The following OLFM3 variants were observed in gnomAD, a reference collection of about 807,000 sequenced individuals.
The protein encoded by OLFM3 is olfactomedin 3, also known as noelin-3.
OLFM3 carries 20 observed loss-of-function variants against 48.6 expected under a neutral mutation model. The observed-to-expected ratio is 0.41, with a 90% CI of 0.29 to 0.60. OLFM3 has a LOEUF of 0.60. Among genes scored for constraint, OLFM3 ranks in the 20% least tolerant of loss-of-function variants. The pLI, the probability that OLFM3 is intolerant of heterozygous loss-of-function variation, is 0.28. For missense variants in OLFM3, 437 were observed against 544.3 expected (o/e 0.80, Z 1.96); for synonymous variants, 222 against 198.1 (o/e 1.12, Z -1.01).
At chr1:101,901,942 G>A (rs1007989879) in intron 1 of OLFM3, among the ~76,000 whole-genome samples, 6 of 152,016 alleles carry the variant, frequency 3.9e-5, no homozygotes, top group Non-Finnish European at 8.8e-5. Flanking sequence ...GTCATAATAA[G>A]AATTTCATAT....
At chr1:101,821,606 G>A (rs2100891004) in intron 4 of OLFM3, among the ~76,000 whole-genome samples, 1 of 152,092 alleles carries the variant, frequency 6.6e-6, no homozygotes, top group South Asian at 2.1e-4. Context: ...AACATGTTGG[G>A]ATAGTAAAAA....
chr1:101,879,755 T>A (rs1297612099), intron 1 of OLFM3, among the ~76,000 whole-genome samples: 1 of 151,862 alleles, frequency 6.6e-6, no homozygotes, highest in African/African-American at 2.4e-5. Context: ...TAAAGAAAAG[T>A]GATGCAAGGT....
At chr1:101,925,950 G>A (rs1394215712) in intron 1 of OLFM3, among the ~76,000 whole-genome samples, 1 of 151,974 alleles carries the variant, frequency 6.6e-6, no homozygotes, top group Non-Finnish European at 1.5e-5. Flanking sequence ...GTAAATATTT[G>A]GTGAATATAT....
chr1:101,921,984 G>A (rs952114203), intron 1 of OLFM3, among the ~76,000 whole-genome samples: 3 of 152,022 alleles, frequency 2.0e-5, no homozygotes, highest in Non-Finnish European at 2.9e-5. Flanking sequence ...GCTTGAACCC[G>A]GGAGATGGAG....
At chr1:101,845,523 A>G (rs943021427) in intron 1 of OLFM3, among the ~76,000 whole-genome samples, 6 of 152,176 alleles carry the variant, frequency 3.9e-5, no homozygotes, top group Non-Finnish European at 8.8e-5. Context: ...TTCAACAATG[A>G]TGTTGTTGAA....
intron 1 of OLFM3, among the ~76,000 whole-genome samples, chr1:101,976,650 G>A (rs1270883071): frequency 6.6e-6 from 1 of 152,050 alleles, no homozygotes; most frequent in African/African-American, 2.4e-5. Context: ...GTAAACTGAG[G>A]CTTGTAGAAG....
intron 3 of OLFM3, among the ~76,000 whole-genome samples, chr1:101,825,496 T>C (rs1462131317): frequency 1.3e-5 from 2 of 152,216 alleles, no homozygotes; most frequent in African/African-American, 4.8e-5. Flanking sequence ...TATATCCTTA[T>C]CATAATTAGA....
intron 1 of OLFM3, among the ~76,000 whole-genome samples, chr1:101,845,180 T>C (rs1203631463): frequency 1.3e-5 from 2 of 151,982 alleles, no homozygotes; most frequent in Non-Finnish European, 2.9e-5. Context: ...ATTATTTTCT[T>C]ATTATTATTA....
intron 1 of OLFM3, among the ~76,000 whole-genome samples, chr1:101,973,006 T>C (rs1194847227): frequency 6.6e-6 from 1 of 152,150 alleles, no homozygotes; most frequent in Non-Finnish European, 1.5e-5. Context: ...GATACCTACA[T>C]AAATGACTCT....
At position 101,804,958 on chromosome 1, in the gene OLFM3, A is replaced by G. The variant is rs1235190852; in HGVS notation, c.700-43T>C. 2.1e-6 allele frequency: 3 copies of G among 1,458,206 alleles called. No homozygotes were observed. Among genetic ancestry groups the G allele is most frequent in the Non-Finnish European group, 2.8e-6 (3 of 1,073,458 alleles). 90.3% of individuals were successfully genotyped at this position (1,458,206 alleles called of 1,614,324 possible). A position where few individuals can be genotyped will look rare whatever the true frequency, so the allele number is the denominator to read the frequency against. The stretch of plus-strand genomic sequence containing the variant: ...AATAAATGGAGTGACTAAATTCTGT[A>G]CTTTTCTGATAACCCCAAAAGAAAG... On this transcript the variant is annotated intron_variant, in intron 5 of 5. Transcript: ENST00000370103. The surrounding 1 kb of genome is among the most constrained non-coding windows in gnomAD (Gnocchi z 4.5).
At chr1:101,913,635 C>A (rs1658828608) in intron 1 of OLFM3, among the ~76,000 whole-genome samples, 1 of 151,236 alleles carries the variant, frequency 6.6e-6, no homozygotes, top group African/African-American at 2.4e-5. Context: ...CATTTAGTAA[C>A]TATTGCCATC....
intron 1 of OLFM3, among the ~76,000 whole-genome samples, chr1:101,871,007 T>G (rs1233631170): frequency 6.6e-6 from 1 of 152,066 alleles, no homozygotes; most frequent in Non-Finnish European, 1.5e-5. Context: ...AGTAAGAAAT[T>G]TAGACAGAGC....
Position 101,803,161 on chromosome 1 carries a change from T to A in OLFM3, c.*1077A>T, listed in dbSNP as rs1013740416. 1 of 150,516 alleles carries A rather than the reference T, an allele frequency of 6.6e-6. No individual in the cohort carries two copies. Among genetic ancestry groups the A allele is most frequent in the South Asian group, 2.1e-4 (1 of 4,784 alleles). 9.3% of individuals were successfully genotyped at this position (150,516 alleles called of 1,614,324 possible). A position where few individuals can be genotyped will look rare whatever the true frequency, so the allele number is the denominator to read the frequency against. On this transcript the variant is annotated 3_prime_UTR_variant, in exon 6 of 6. Transcript: ENST00000370103. The stretch of plus-strand genomic sequence containing the variant: ...TCTAAATCTAGAGGACATTACAGAA[T>A]TTTTTTTTTCTAAGAGTTTTCAAAT...
chr1:101,919,964 C>T (rs1659045147), intron 1 of OLFM3, among the ~76,000 whole-genome samples: 1 of 152,274 alleles, frequency 6.6e-6, no homozygotes, highest in East Asian at 1.9e-4. Flanking sequence ...GGCAGATGTT[C>T]AGGCCTAAAG....
At chr1:101,890,598 T>C (rs1657953121) in intron 1 of OLFM3, among the ~76,000 whole-genome samples, 1 of 152,038 alleles carries the variant, frequency 6.6e-6, no homozygotes, top group Non-Finnish European at 1.5e-5. Flanking sequence ...AAGGGATTAG[T>C]TGATTATCCT....
At position 101,836,920 on chromosome 1, in the gene OLFM3, G is replaced by A. The variant is rs367810860; in HGVS notation, c.175C>T (p.Arg59Trp). 2.4e-5 allele frequency: 39 copies of A among 1,613,952 alleles called. No individual in the cohort carries two copies. The highest frequency in any genetic ancestry group is 3.1e-5 in the Non-Finnish European group (36 of 1,179,996). Reference sequence around the variant, plus strand: ...CGAAGTTGCCTGCTTTTGGCATCCCGGGAACACAGGTTTTGTTCTGGAGCA... The same window carrying A: ...CGAAGTTGCCTGCTTTTGGCATCCCAGGAACACAGGTTTTGTTCTGGAGCA... ...VVAPEQNLCS[R>W]DAKSRQLRQL... Residue 59 changes from arginine (R) to tryptophan (W), a missense_variant, in exon 2 of 6, where the codon CGG becomes TGG. Transcript: ENST00000370103.
chr1:101,972,506 T>C (rs765356285), intron 1 of OLFM3, among the ~76,000 whole-genome samples: 5 of 152,204 alleles, frequency 3.3e-5, no homozygotes, highest in African/African-American at 4.8e-5. Context: ...GACTTTAGGA[T>C]GTTGGTTTGG....
At position 101,837,150 on chromosome 1, in the gene OLFM3, G is replaced by A. The variant is rs562484107; in HGVS notation, c.70-125C>T. On this transcript the variant is annotated intron_variant, in intron 1 of 5. Coordinates refer to ENST00000370103, the MANE Select transcript of OLFM3 (RefSeq NM_058170.4). ...TAACTTTGTGTTTTCAATCTTTAAA[G>A]TTAGCAGAGAGATATTAAACAATTT... 138 of 963,756 alleles carry A rather than the reference G, an allele frequency of 1.4e-4. 1 individual carries two copies. The South Asian group carries it at 2.4e-3, about 17-fold the overall frequency. 59.7% of individuals were successfully genotyped at this position (963,756 alleles called of 1,614,324 possible).
chr1:101,827,706 C>T (rs906029559), intron 3 of OLFM3, among the ~76,000 whole-genome samples: 4 of 152,126 alleles, frequency 2.6e-5, no homozygotes, highest in African/African-American at 9.7e-5. Flanking sequence ...CTAAAGTCTA[C>T]TTGGAGAAGC....
Sources: allele counts gnomAD v4.1 joint callset (sites outside exome capture counted in the v4.1 genomes callset), GRCh38; gene constraint gnomAD v4.1.1; non-coding constraint Gnocchi (gnomAD v3.1); transcripts MANE v1.5; gene names NCBI Gene and HGNC (gene_info 2026-07-23, HGNC 2026-07-21).